SYT14: variants seen among roughly 807,000 people sequenced by gnomAD.
SYT14 encodes synaptotagmin-14.
In SYT14, 32 loss-of-function variants were observed where a neutral mutation model predicts 74.2. The observed-to-expected ratio is 0.43, with a 90% CI of 0.33 to 0.58. The LOEUF (loss-of-function observed/expected upper bound fraction) is 0.58, where lower values mean the gene tolerates loss of function less well. Ranked by LOEUF, SYT14 falls within the 20% of genes least tolerant of loss-of-function variation. The pLI is 0.05. For synonymous variants in SYT14, 298 were observed against 337.7 expected (o/e 0.88, Z 1.29); for missense variants, 791 against 981.8 (o/e 0.81, Z 2.60).
chr1:210,008,618 C>T (rs1248269589), intron 2 of SYT14, among the ~76,000 whole-genome samples: 1 of 152,180 alleles, frequency 6.6e-6, no homozygotes, highest in African/African-American at 2.4e-5. Flanking sequence ...CTGCCTCAGC[C>T]TCCCAAAGTG....
intron 2 of SYT14, among the ~76,000 whole-genome samples, chr1:209,977,856 A>G (rs1301529290): frequency 6.6e-6 from 1 of 152,124 alleles, no homozygotes; most frequent in Non-Finnish European, 1.5e-5. Flanking sequence ...TCAGACATAG[A>G]TTTGGTCTTT....
intron 7 of SYT14, among the ~76,000 whole-genome samples, chr1:210,131,152 C>T (rs1371945416): frequency 6.6e-6 from 1 of 152,132 alleles, no homozygotes; most frequent in Non-Finnish European, 1.5e-5. Context: ...ACTTAGTAAA[C>T]AGTCAGTAAA....
intron 2 of SYT14, among the ~76,000 whole-genome samples, chr1:209,964,564 A>G (rs2079125417): frequency 4.6e-5 from 7 of 152,116 alleles, no homozygotes; most frequent in Admixed American, 4.6e-4. Flanking sequence ...TTTTCGATGA[A>G]CTTTGGAATA....
At chr1:210,098,315 C>T (rs1046681633) in intron 6 of SYT14, among the ~76,000 whole-genome samples, 3 of 152,090 alleles carry the variant, frequency 2.0e-5, no homozygotes, top group Non-Finnish European at 2.9e-5. Flanking sequence ...CAAAAAGACC[C>T]CTAGCCCCCA....
intron 2 of SYT14, among the ~76,000 whole-genome samples, chr1:209,974,140 A>C (rs1390287059): frequency 6.6e-6 from 1 of 152,098 alleles, no homozygotes; most frequent in East Asian, 1.9e-4. Context: ...GATTGCAAAA[A>C]TGTTCTCCCA....
At chr1:210,161,460 G>C (rs1245791681) in exon 10 of SYT14, 1 of 454,552 alleles carries the variant, frequency 2.2e-6, no homozygotes, top group Non-Finnish European at 4.4e-6. Context: ...TGACTGGCCA[G>C]TCCCTGGTGT....
At chr1:210,084,662 C>G (rs2081685641) in intron 5 of SYT14, among the ~76,000 whole-genome samples, 1 of 152,170 alleles carries the variant, frequency 6.6e-6, no homozygotes, top group Non-Finnish European at 1.5e-5. Context: ...CCTGTCCTTG[C>G]CAGGTGAAGA....
In SYT14 at chr1:209,990,549, G is replaced by GTATATATATGTATATATACGTA; in HGVS notation, c.-485-23075_-485-23074insGTATATATACGTATATATATAT. ...CATATATATATATACGTATATATAT[G>GTATATATATGTATATATACGTA]TATATATATACGTATATATATGTAT... On this transcript the variant is annotated intron_variant, in intron 2 of 9. Coordinates refer to ENST00000637265, the Ensembl canonical transcript of SYT14. 1.2e-4 allele frequency among the ~76,000 whole-genome samples: 7 copies of GTATATATATGTATATATACGTA among 56,892 alleles called. 1 individual carries two copies. The highest frequency in any genetic ancestry group is 2.7e-4 in the African/African-American group (7 of 26,250). 37.3% of individuals were successfully genotyped at this position (56,892 alleles called of 152,430 possible).
chr1:210,007,296 A>G (rs2080007403), intron 2 of SYT14, among the ~76,000 whole-genome samples: 1 of 151,944 alleles, frequency 6.6e-6, no homozygotes, highest in Non-Finnish European at 1.5e-5. Context: ...GCCCCTTCTC[A>G]CTTTGCAGTA....
chr1:210,072,113 G>T (rs2081406099), intron 5 of SYT14, among the ~76,000 whole-genome samples: 1 of 144,558 alleles, frequency 6.9e-6, no homozygotes, highest in Non-Finnish European at 1.5e-5. Flanking sequence ...ATAATTAGCT[G>T]ATTAGCTGGT....
chr1:210,014,903 C>T (rs1222881948), intron 3 of SYT14, among the ~76,000 whole-genome samples: 1 of 151,716 alleles, frequency 6.6e-6, no homozygotes, highest in Non-Finnish European at 1.5e-5. Flanking sequence ...ATTGAGTAGT[C>T]CCAAAGAGCT....
chr1:210,022,252 G>A (rs1045393359), intron 5 of SYT14, among the ~76,000 whole-genome samples: 1 of 152,124 alleles, frequency 6.6e-6, no homozygotes, highest in African/African-American at 2.4e-5. Flanking sequence ...TTGGCTTCAT[G>A]CCAACTAAAG....
chr1:209,978,732 T>G (rs2079419899), intron 2 of SYT14, among the ~76,000 whole-genome samples: 1 of 152,230 alleles, frequency 6.6e-6, no homozygotes, highest in Non-Finnish European at 1.5e-5. Flanking sequence ...TCTTCAAAGC[T>G]GTCAGACAGT....
At chr1:210,062,927 C>A (rs774538594) in intron 5 of SYT14, among the ~76,000 whole-genome samples, 2 of 150,288 alleles carry the variant, frequency 1.3e-5, no homozygotes, top group Non-Finnish European at 3.0e-5. Context: ...TAAATTTGAC[C>A]GTTTTTCTTT....
exon 10 of SYT14, chr1:210,167,799 T>A (rs1206264781): frequency 3.9e-5 from 6 of 152,282 alleles, no homozygotes; most frequent in Admixed American, 3.9e-4. Flanking sequence ...TTTCTCTCCC[T>A]GTTTAGACTA....
intron 7 of SYT14, among the ~76,000 whole-genome samples, chr1:210,101,185 A>G (rs2082059363): frequency 6.6e-6 from 1 of 152,152 alleles, no homozygotes; most frequent in Non-Finnish European, 1.5e-5. Context: ...TAAACCAGGG[A>G]GATACATTAT....
At chr1:210,026,461 TTTACCATAGAGA>T (rs1403853137) in intron 5 of SYT14, among the ~76,000 whole-genome samples, 1 of 152,068 alleles carries the variant, frequency 6.6e-6, no homozygotes, top group Non-Finnish European at 1.5e-5. Context: ...TTATTATTAG[TTTACCATAGAGA>T]TTACGTAGCT....
chr1:209,980,068 T>G (rs1362110118), intron 2 of SYT14, among the ~76,000 whole-genome samples: 1 of 152,204 alleles, frequency 6.6e-6, no homozygotes, highest in Non-Finnish European at 1.5e-5. Flanking sequence ...AACTTACATT[T>G]TTACCAACAG....
intron 8 of SYT14, among the ~76,000 whole-genome samples, chr1:210,156,683 C>CTTTTTTTTTT (rs71146208): frequency 1.8e-4 from 10 of 55,962 alleles, no homozygotes; most frequent in Admixed American, 2.6e-4. Flanking sequence ...GTGGCAGCTT[C>CTTTTTTTTTT]TTTTTTTTTT....
Sources: gnomAD v4.1 joint callset for allele counts (sites outside exome capture counted in the v4.1 genomes callset) on GRCh38, gnomAD v4.1.1 for gene constraint, MANE v1.5 for transcripts, NCBI Gene and HGNC (gene_info 2026-07-23, HGNC 2026-07-21) for gene names.